The following RFT1 variants were observed in gnomAD, a reference collection of about 807,000 sequenced individuals.
RFT1 encodes RFT1 glycolipid translocator homolog, also known as man(5)GlcNAc(2)-PP-dolichol translocation protein RFT1.
RFT1 carries 43 observed loss-of-function variants against 62.2 expected under a neutral mutation model. That is an observed-to-expected ratio of 0.69 (90% CI 0.54 to 0.89). RFT1 has a LOEUF of 0.89. Among genes scored for constraint, RFT1 ranks in the 40% least tolerant of loss-of-function variants. The pLI, the probability that RFT1 is intolerant of heterozygous loss-of-function variation, is 0.00. For missense variants in RFT1, 605 were observed against 649.9 expected (o/e 0.93, Z 0.75); for synonymous variants, 262 against 264.6 (o/e 0.99, Z 0.10).
At position 53,091,820 on chromosome 3, in the gene RFT1, G is replaced by A. The variant is rs889484730; in HGVS notation, c.*83C>T. 2.1e-5 allele frequency: 31 copies of A among 1,445,980 alleles called. No individual in the cohort carries two copies. The Middle Eastern group carries it at 9.2e-4, about 43-fold the overall frequency. The allele number at this position is 1,445,980 out of a possible 1,614,324, so 89.6% of individuals were successfully genotyped here. A position where few individuals can be genotyped will look rare whatever the true frequency, so the allele number is the denominator to read the frequency against. On this transcript the variant is annotated 3_prime_UTR_variant, in exon 13 of 13. Coordinates refer to ENST00000296292, the MANE Select transcript of RFT1 (RefSeq NM_052859.4). ...GTCACTCCGCTGCAGAGCCCTCAGT[G>A]GGGCTCTTACACAGAATGTGTTCCA... is the stretch of plus-strand genomic sequence containing the variant.
At position 53,121,764 on chromosome 3, in the gene RFT1, C is replaced by T. The variant is rs571575323; in HGVS notation, c.493G>A (p.Val165Ile). ...AESLSVILKSVLTAFLVLWLP... is the reference protein window; with the variant it reads ...AESLSVILKSILTAFLVLWLP... ...CACAGCACGAGAAAAGCTGTCAGAA[C>T]GCTCTTAAGAATTACCGACAGGCTC... Residue 165 changes from valine (V) to isoleucine (I), a missense_variant, in exon 5 of 13, where the codon GTT (valine) becomes ATT (isoleucine). Coordinates refer to ENST00000296292, the MANE Select transcript of RFT1 (RefSeq NM_052859.4). 205 of 1,613,970 alleles carry T rather than the reference C, an allele frequency of 1.3e-4. 2 individuals are homozygous for T. The South Asian group carries it at 2.0e-3, about 15-fold the overall frequency.
At chr3:53,093,714 G>C (rs901887633) in intron 11 of RFT1, among the ~76,000 whole-genome samples, 1 of 151,776 alleles carries the variant, frequency 6.6e-6, no homozygotes, top group African/African-American at 2.4e-5. Flanking sequence ...GTAGACCCCC[G>C]TCTCTACAAA....
At chr3:53,093,770 T>C (rs1012554668) in intron 11 of RFT1, among the ~76,000 whole-genome samples, 4 of 152,082 alleles carry the variant, frequency 2.6e-5, no homozygotes, top group Non-Finnish European at 1.5e-5. Flanking sequence ...CCTGCAGTCC[T>C]AGCTACTCGG....
At chr3:53,103,361 C>T (rs867701113) in intron 10 of RFT1, 31 of 706,640 alleles carry the variant, frequency 4.4e-5, no homozygotes, top group Middle Eastern at 7.4e-4. Context: ...TTGATGAAGT[C>T]CCCAAGACCT....
the RFT1 span, among the ~76,000 whole-genome samples, chr3:53,071,388 G>A: frequency 6.6e-6 from 1 of 152,160 alleles, no homozygotes; most frequent in Non-Finnish European, 1.5e-5. Context: ...TGTGAGGTTG[G>A]TGCCCCAGAT....
intron 7 of RFT1, among the ~76,000 whole-genome samples, chr3:53,111,221 C>T (rs770344372): frequency 4.0e-5 from 6 of 151,790 alleles, no homozygotes; most frequent in Non-Finnish European, 5.9e-5. Flanking sequence ...CTGGCTAACA[C>T]GGTGAAACTC....
the RFT1 span, among the ~76,000 whole-genome samples, chr3:53,083,213 A>T: frequency 6.8e-6 from 1 of 146,600 alleles, no homozygotes; most frequent in Non-Finnish European, 1.5e-5. Context: ...AAAAAAAAAA[A>T]AAAAAAAAAA....
chr3:53,087,192 G>A (rs1184123998), downstream of RFT1, among the ~76,000 whole-genome samples: 1 of 152,160 alleles, frequency 6.6e-6, no homozygotes, highest in Non-Finnish European at 1.5e-5. Context: ...AGCCAAGATC[G>A]TGCCACTGCA....
At chr3:53,118,065 ATTT>A (rs942950773) in intron 6 of RFT1, among the ~76,000 whole-genome samples, 5 of 152,338 alleles carry the variant, frequency 3.3e-5, no homozygotes, top group Non-Finnish European at 1.5e-5. Context: ...AATTAAAAAA[ATTT>A]TTTTTTTGTA....
the RFT1 span, among the ~76,000 whole-genome samples, chr3:53,067,683 C>T: frequency 6.6e-6 from 1 of 152,110 alleles, no homozygotes. Context: ...AGGGTATGCT[C>T]GATAGGAGGA....
downstream of RFT1, among the ~76,000 whole-genome samples, chr3:53,088,292 AGG>A: frequency 6.6e-6 from 1 of 152,208 alleles, no homozygotes; most frequent in Non-Finnish European, 1.5e-5. Flanking sequence ...CAGACACAGG[AGG>A]TGCCAGGATA....
chr3:53,121,872 G>GA, intron 4 of RFT1, 72 bp from the exon 5 acceptor site: 1 of 1,271,056 alleles, frequency 7.9e-7, no homozygotes, highest in Non-Finnish European at 1.1e-6. Flanking sequence ...ATGATAGACA[G>GA]AAAATCTAGG....
At chr3:53,092,105 C>G (rs201984414) in intron 12 of RFT1, 35 bp from the exon 13 acceptor site, 7 of 1,612,742 alleles carry the variant, frequency 4.3e-6, no homozygotes, top group Non-Finnish European at 5.9e-6. Context: ...GCCTGTTCCT[C>G]AGTCTATACC....
At chr3:53,110,495 G>A (rs746484137) in intron 7 of RFT1, among the ~76,000 whole-genome samples, 2 of 152,078 alleles carry the variant, frequency 1.3e-5, no homozygotes, top group Non-Finnish European at 2.9e-5. Flanking sequence ...TTTCATTTTT[G>A]TAATAGCAAA....
chr3:53,074,434 T>G, the RFT1 span, among the ~76,000 whole-genome samples: 1 of 151,172 alleles, frequency 6.6e-6, no homozygotes, highest in African/African-American at 2.4e-5. Flanking sequence ...GCTGGTCAGG[T>G]GGACCTTGGA....
chr3:53,094,681 C>A (rs964823209), intron 11 of RFT1, among the ~76,000 whole-genome samples: 3 of 152,036 alleles, frequency 2.0e-5, no homozygotes, highest in African/African-American at 7.2e-5. Context: ...CTATACCAAT[C>A]CTTGGAGTTT....
intron 6 of RFT1, among the ~76,000 whole-genome samples, chr3:53,117,648 A>C (rs73088342): frequency 0.27 from 40,482 of 152,080 alleles, 5,735 homozygotes; most frequent in Middle Eastern, 0.4. Flanking sequence ...CACACCAATA[A>C]CATCAGAGCT....
intron 10 of RFT1, among the ~76,000 whole-genome samples, chr3:53,100,085 T>A (rs1004887984): frequency 6.6e-6 from 1 of 152,206 alleles, no homozygotes; most frequent in Non-Finnish European, 1.5e-5. Context: ...CCTTTTTTCA[T>A]CAGCATGAAT....
intron 5 of RFT1, 49 bp from the exon 6 acceptor site, chr3:53,120,070 C>T: frequency 6.6e-7 from 1 of 1,511,046 alleles, no homozygotes. Flanking sequence ...TAAGATATGC[C>T]TATAAATTTG....
Sources: allele counts gnomAD v4.1 joint callset (sites outside exome capture counted in the v4.1 genomes callset), GRCh38; gene constraint gnomAD v4.1.1; transcripts MANE v1.5; gene names NCBI Gene and HGNC (gene_info 2026-07-23, HGNC 2026-07-21).